LEKR1: variants seen among roughly 807,000 people sequenced by gnomAD.
LEKR1 encodes the protein protein LEKR1.
In LEKR1, 59 loss-of-function variants were observed where a neutral mutation model predicts 72.4. The observed-to-expected ratio is 0.82, with a 90% CI of 0.66 to 1.01. The LOEUF (loss-of-function observed/expected upper bound fraction) is 1.01. Among genes scored for constraint, LEKR1 ranks in the 50% least tolerant of loss-of-function variants. LEKR1 has a pLI of 0.00. For missense variants in LEKR1, 728 were observed against 759.2 expected (o/e 0.96, Z 0.48); for synonymous variants, 257 against 263.2 (o/e 0.98, Z 0.23).
At chr3:156,880,909 A>T (rs1206210761) in intron 3 of LEKR1, among the ~76,000 whole-genome samples, 3 of 152,252 alleles carry the variant, frequency 2.0e-5, no homozygotes, top group African/African-American at 7.2e-5. Context: ...CCACATGATT[A>T]TCTCAATAGA....
rs1729748374 is a variant in LEKR1, at chr3:156,976,957, G to A, written c.746-2237G>A. On this transcript the variant is annotated intron_variant, in intron 6 of 12. Transcript: ENST00000356539. ...TACCTAATAAGTTTTTTCAGACCCG[G>A]GAAGGCTTATTGCATGGAATACAGA... is the stretch of plus-strand genomic sequence containing the variant. 3.3e-5 allele frequency among the ~76,000 whole-genome samples: 5 copies of A among 152,110 alleles called. 1 individual carries two copies. In the South Asian group the frequency reaches 6.2e-4, roughly 19 times the overall value.
chr3:156,846,732 ATAGTT>A (rs1262760029), intron 2 of LEKR1, among the ~76,000 whole-genome samples: 2 of 152,202 alleles, frequency 1.3e-5, no homozygotes, highest in Non-Finnish European at 2.9e-5. Context: ...TCTACAAAGA[ATAGTT>A]TATTTCCTCC....
At chr3:156,926,292 G>C (rs1292934156) in intron 4 of LEKR1, among the ~76,000 whole-genome samples, 1 of 151,894 alleles carries the variant, frequency 6.6e-6, no homozygotes, top group Non-Finnish European at 1.5e-5. Flanking sequence ...AAGAAAACCT[G>C]AAATGACAAT....
At chr3:157,038,367 T>C (rs932678346) in intron 12 of LEKR1, among the ~76,000 whole-genome samples, 2 of 152,212 alleles carry the variant, frequency 1.3e-5, no homozygotes, top group Admixed American at 1.3e-4. Flanking sequence ...GAATTTTATT[T>C]GGGACATGTT....
At chr3:156,956,535 A>T (rs981685749) in intron 6 of LEKR1, among the ~76,000 whole-genome samples, 1 of 152,050 alleles carries the variant, frequency 6.6e-6, no homozygotes, top group African/African-American at 2.4e-5. Context: ...AAAATTATAT[A>T]ATAAGTGCTA....
chr3:156,970,874 T>C (rs1729110879), intron 6 of LEKR1, among the ~76,000 whole-genome samples: 1 of 152,130 alleles, frequency 6.6e-6, no homozygotes, highest in South Asian at 2.1e-4. Flanking sequence ...TCCATGCTCA[T>C]GGGTAGGAAG....
chr3:156,985,166 G>T (rs1730566700), intron 7 of LEKR1, among the ~76,000 whole-genome samples: 1 of 152,168 alleles, frequency 6.6e-6, no homozygotes, highest in Non-Finnish European at 1.5e-5. Context: ...AGATATTGGA[G>T]TAACAAGATT....
chr3:156,919,778 T>G (rs111935976), intron 3 of LEKR1, among the ~76,000 whole-genome samples: 2 of 152,312 alleles, frequency 1.3e-5, no homozygotes, highest in African/African-American at 4.8e-5. Context: ...CATGTTATTC[T>G]TTGGACGTTG....
chr3:156,873,530 C>G (rs1718208387), intron 3 of LEKR1, among the ~76,000 whole-genome samples: 1 of 151,942 alleles, frequency 6.6e-6, no homozygotes, highest in African/African-American at 2.4e-5. Flanking sequence ...TGGTGATATT[C>G]TGTAATAATC....
At position 157,028,249 on chromosome 3, in the gene LEKR1, A is replaced by G; in HGVS notation, c.1515A>G (p.Ala505=). ...TTGAAAATCTTAAAAATTTGGTTGCAGAATTTGAATCTCGCTTGAAGAAGG... is the reference window on the plus strand; with the variant it reads ...TTGAAAATCTTAAAAATTTGGTTGCGGAATTTGAATCTCGCTTGAAGAAGG... ...KEIENLKNLV[A]EFESRLKKEI... The change falls in exon 12 of 13, where the codon GCA becomes GCG. Residue 505 remains alanine (A), a synonymous_variant. Coordinates refer to ENST00000356539, the MANE Select transcript of LEKR1 (RefSeq NM_001004316.3). The G allele has an allele frequency of 6.2e-7, 1 of 1,613,734 alleles. No homozygotes were observed. Among genetic ancestry groups the G allele is most frequent in the Non-Finnish European group, 8.5e-7 (1 of 1,179,812 alleles).
intron 7 of LEKR1, among the ~76,000 whole-genome samples, chr3:156,985,842 CAAAAAAAAAA>C (rs34169262): frequency 8.4e-6 from 1 of 119,552 alleles, no homozygotes; most frequent in Non-Finnish European, 1.7e-5. Flanking sequence ...GACTCTGTGT[CAAAAAAAAAA>C]AAAAAAAAAG....
intron 4 of LEKR1, among the ~76,000 whole-genome samples, chr3:156,922,621 G>C (rs1232322054): frequency 6.6e-6 from 1 of 152,114 alleles, no homozygotes; most frequent in Non-Finnish European, 1.5e-5. Context: ...CATGATCTGT[G>C]TTTTCCCTGA....
At chr3:156,884,231 T>C (rs1027888521) in intron 3 of LEKR1, among the ~76,000 whole-genome samples, 5 of 152,196 alleles carry the variant, frequency 3.3e-5, no homozygotes, top group African/African-American at 1.2e-4. Flanking sequence ...CATTCTGCTG[T>C]TCTGTATATT....
intron 12 of LEKR1, among the ~76,000 whole-genome samples, chr3:157,040,265 C>G (rs1479875684): frequency 6.6e-6 from 1 of 152,148 alleles, no homozygotes; most frequent in Non-Finnish European, 1.5e-5. Flanking sequence ...ATGTTGAATA[C>G]TTTGTCATCA....
intron 2 of LEKR1, among the ~76,000 whole-genome samples, chr3:156,830,444 G>A (rs1275118262): frequency 6.6e-6 from 1 of 152,220 alleles, no homozygotes; most frequent in Non-Finnish European, 1.5e-5. Context: ...GATGTGTACT[G>A]TAGAATGTGG....
chr3:157,012,208 T>C (rs1354997930), intron 10 of LEKR1, among the ~76,000 whole-genome samples: 2 of 152,136 alleles, frequency 1.3e-5, no homozygotes, highest in Non-Finnish European at 2.9e-5. Flanking sequence ...TACTCCTTGA[T>C]TGATCTCTGG....
intron 3 of LEKR1, among the ~76,000 whole-genome samples, chr3:156,882,462 A>C (rs916868707): frequency 4.0e-4 from 61 of 152,338 alleles, no homozygotes; most frequent in Non-Finnish European, 6.5e-4. Context: ...ATACCATCTC[A>C]CACCAGTTAG....
chr3:157,028,125 C>T lies in LEKR1; in HGVS notation c.1391C>T (p.Ala464Val), dbSNP rs762047145. 4 of 1,595,342 alleles carry T rather than the reference C, an allele frequency of 2.5e-6. No homozygotes were observed. Among genetic ancestry groups the T allele is most frequent in the Non-Finnish European group, 3.4e-6 (4 of 1,170,778 alleles). The change falls in exon 12 of 13, where the codon GCT (alanine) becomes GTT (valine). Residue 464 changes from alanine (A) to valine (V), a missense_variant. Physicochemically the swap from Ala to Val is moderately conservative, Grantham distance 64 (BLOSUM62 0). Coordinates refer to ENST00000356539, the MANE Select transcript of LEKR1 (RefSeq NM_001004316.3). ...QMKISDLITG[A>V]TRDLRQEVTT... is the part of the protein sequence containing the mutation. ...CAGATATCTGACTTAATCACAGGCG[C>T]TACAAGAGATCTAAGGCAGGAAGTG...
intron 3 of LEKR1, among the ~76,000 whole-genome samples, chr3:156,907,193 T>A (rs1293549682): frequency 6.6e-6 from 1 of 152,110 alleles, no homozygotes; most frequent in East Asian, 1.9e-4. Context: ...GTCTTCTCAA[T>A]CCTGATTCTC....
Sources: allele counts gnomAD v4.1 joint callset (sites outside exome capture counted in the v4.1 genomes callset), GRCh38; gene constraint gnomAD v4.1.1; transcripts MANE v1.5; gene names NCBI Gene and HGNC (gene_info 2026-07-23, HGNC 2026-07-21).